The following BFAR variants were observed in gnomAD, a reference collection of about 807,000 sequenced individuals.
The protein encoded by BFAR is RING finger protein 47.
A neutral mutation model predicts 54.4 loss-of-function variants in BFAR; 52 were observed. The observed-to-expected ratio is 0.96, with a 90% CI of 0.77 to 1.21. BFAR has a LOEUF of 1.21. Among genes scored for constraint, BFAR ranks in the 50% most tolerant of loss-of-function variants. BFAR has a pLI of 0.00. For missense variants in BFAR, 571 were observed against 534.0 expected (o/e 1.07, Z -0.68); for synonymous variants, 215 against 204.3 (o/e 1.05, Z -0.45).
chr16:14,659,898 T>C (rs1960242947), intron 5 of BFAR, among the ~76,000 whole-genome samples: 1 of 152,230 alleles, frequency 6.6e-6, no homozygotes, highest in African/African-American at 2.4e-5. Context: ...AAAAATGCAA[T>C]CATCATCACA....
chr16:14,653,389 G>A (rs536298881), intron 4 of BFAR, among the ~76,000 whole-genome samples: 3 of 151,864 alleles, frequency 2.0e-5, no homozygotes, highest in Non-Finnish European at 2.9e-5. Context: ...GTGCAGTGGC[G>A]TGATCTTGGC....
At position 14,661,955 on chromosome 16, in the gene BFAR, C is replaced by T. The variant is rs1960301650; in HGVS notation, c.847C>T (p.Leu283=). The T allele has an allele frequency of 6.2e-7, 1 of 1,614,050 alleles. No individual in the cohort carries two copies. The highest frequency in any genetic ancestry group is 1.1e-5 in the South Asian group (1 of 91,072). Residue 283 remains leucine, a synonymous_variant, in exon 6 of 8, where the codon CTG becomes TTG. Transcript: ENST00000261658. ...YALKSSPRLS[L]LYLYLFDYTD... Reference sequence around the variant, plus strand: ...CCTCAAGAGCTCCCCCAGGCTGAGTCTGCTCTACCTGTACCTGTTTGACTA... The same window carrying T: ...CCTCAAGAGCTCCCCCAGGCTGAGTTTGCTCTACCTGTACCTGTTTGACTA...
chr16:14,649,647 G>A (rs368538874), intron 3 of BFAR, among the ~76,000 whole-genome samples, 157 bp from the exon 4 acceptor site: 4 of 152,238 alleles, frequency 2.6e-5, no homozygotes, highest in South Asian at 2.1e-4. Flanking sequence ...CTCTGTGGCC[G>A]TGGCGTTGCC....
chr16:14,649,759 ATC>A (rs1959912019), intron 3 of BFAR, 43 bp from the exon 4 acceptor site: 3 of 1,510,208 alleles, frequency 2.0e-6, no homozygotes, highest in Middle Eastern at 1.8e-4. Context: ...AGAAACTGGC[ATC>A]TCTGCCTCTC....
At chr16:14,662,136 T>C (rs767113411) in intron 6 of BFAR, 71 bp downstream of exon 6, 11 of 1,545,482 alleles carry the variant, frequency 7.1e-6, no homozygotes, top group African/African-American at 1.4e-5. Context: ...CTACCCACCA[T>C]GGGTGCCATG....
intron 2 of BFAR, among the ~76,000 whole-genome samples, chr16:14,646,323 G>C (rs1392763534): frequency 6.6e-6 from 1 of 152,166 alleles, no homozygotes; most frequent in Non-Finnish European, 1.5e-5. Flanking sequence ...AAAGTGCTGG[G>C]ATTATAGGCG....
rs750340830 is a variant in BFAR, at chr16:14,668,295, C to G, written c.*468C>G. 9 of 162,498 alleles carry G rather than the reference C, an allele frequency of 5.5e-5. No individual in the cohort carries two copies. Among genetic ancestry groups the G allele is most frequent in the Non-Finnish European group, 1.2e-4 (9 of 74,584 alleles). The allele number at this position is 162,498 out of a possible 1,614,324, so 10.1% of individuals were successfully genotyped here. A position where few individuals can be genotyped will look rare whatever the true frequency, so the allele number is the denominator to read the frequency against. On this transcript the variant is annotated 3_prime_UTR_variant, in exon 8 of 8. Coordinates refer to ENST00000261658, the MANE Select transcript of BFAR (RefSeq NM_016561.3). The stretch of plus-strand genomic sequence containing the variant: ...TAGGAAAACAAGGATAAGATTCTGT[C>G]ATAGGCATAGAGAGTTGCACATAAA...
Position 14,656,843 on chromosome 16 carries a change from C to T in BFAR, c.783+1633C>T, listed in dbSNP as rs114569416. Among the ~76,000 whole-genome samples, 271 of 152,224 alleles carry T rather than the reference C, an allele frequency of 1.8e-3. 1 individual carries two copies. Among genetic ancestry groups the T allele is most frequent in the African/African-American group, 6.4e-3 (265 of 41,554 alleles). ...CCTGTAATCCATAAGGAACAAAGTC[C>T]TGTAATCCCAGCACTTTGGGAGGCC... On this transcript the variant is annotated intron_variant, in intron 5 of 7. Coordinates refer to ENST00000261658, the MANE Select transcript of BFAR (RefSeq NM_016561.3).
chr16:14,646,539 C>T (rs1303599204), intron 2 of BFAR, among the ~76,000 whole-genome samples: 2 of 151,358 alleles, frequency 1.3e-5, no homozygotes, highest in East Asian at 1.9e-4. Context: ...ACCCTTGTTG[C>T]CCGGGCTGGA....
At chr16:14,656,462 C>T (rs1280524743) in intron 5 of BFAR, among the ~76,000 whole-genome samples, 2 of 151,770 alleles carry the variant, frequency 1.3e-5, no homozygotes, top group African/African-American at 4.8e-5. Context: ...TGCACTCCAG[C>T]CTGGGCAAGA....
At chr16:14,640,650 C>A (rs1043611388) in intron 1 of BFAR, among the ~76,000 whole-genome samples, 1 of 152,110 alleles carries the variant, frequency 6.6e-6, no homozygotes, top group South Asian at 2.1e-4. Context: ...TTCCAGGACA[C>A]GGAAGATGGA....
chr16:14,648,177 C>T (rs1959857140), intron 2 of BFAR, among the ~76,000 whole-genome samples: 1 of 152,080 alleles, frequency 6.6e-6, no homozygotes, highest in Non-Finnish European at 1.5e-5. Context: ...AAGACTCCGT[C>T]TCAAAAAAAC....
At chr16:14,650,348 A>G (rs183335191) in intron 4 of BFAR, 2 of 165,964 alleles carry the variant, frequency 1.2e-5, no homozygotes, top group African/African-American at 4.7e-5. Context: ...AGAGAGAGAG[A>G]TGTAATCTAC....
Position 14,667,852 on chromosome 16 carries a change from T to C in BFAR, c.*25T>C. The C allele has an allele frequency of 6.2e-7, 1 of 1,604,520 alleles. No individual in the cohort carries two copies. Among genetic ancestry groups the C allele is most frequent in the South Asian group, 1.1e-5 (1 of 90,748 alleles). On this transcript the variant is annotated 3_prime_UTR_variant, in exon 8 of 8. Coordinates refer to ENST00000261658, the MANE Select transcript of BFAR (RefSeq NM_016561.3). ...ACTGGCACTGCCCAGGCTGAGACTC[T>C]TCAAGTCCCGCTGACGTCTGAGCTT...
chr16:14,643,459 C>T (rs2151836715), intron 1 of BFAR, among the ~76,000 whole-genome samples: 1 of 152,306 alleles, frequency 6.6e-6, no homozygotes, highest in African/African-American at 2.4e-5. Flanking sequence ...TTTTGCTTTA[C>T]TACATTTGAA....
intron 3 of BFAR, 141 bp downstream of exon 3, chr16:14,648,733 GCT>G: frequency 4.5e-6 from 3 of 660,464 alleles, no homozygotes; most frequent in Non-Finnish European, 7.8e-6. Context: ...ATTGAAATCT[GCT>G]GGGTTCTATG....
intron 1 of BFAR, chr16:14,633,293 G>GACCCT (rs1959318885): frequency 6.6e-6 from 1 of 152,396 alleles, no homozygotes; most frequent in African/African-American, 2.4e-5. Flanking sequence ...CCTTTCGGGG[G>GACCCT]TCAGGGTCAG....
chr16:14,646,773 C>T (rs1310433647), intron 2 of BFAR, among the ~76,000 whole-genome samples: 1 of 152,142 alleles, frequency 6.6e-6, no homozygotes, highest in Non-Finnish European at 1.5e-5. Flanking sequence ...GCTGGGATTA[C>T]AGGCATGAGC....
rs1249016097 is a variant in BFAR, at chr16:14,649,939, A to G, written c.604A>G (p.Arg202Gly). 1.2e-6 allele frequency: 2 copies of G among 1,612,756 alleles called. No individual in the cohort carries two copies. The highest frequency in any genetic ancestry group is 1.1e-5 in the South Asian group (1 of 90,766). Residue 202 changes from arginine to glycine, a missense_variant, in exon 4 of 8, where the codon AGG (arginine) becomes GGG (glycine). By Grantham distance (125) the Arg-to-Gly change is moderately radical. Transcript: ENST00000261658. ...GCTGGGCCCTTGGGCATCTCTTTAC[A>G]GGGAAAGGTTTTTATCTGAACGAGT... ...EQLGPWASLY[R>G]ERFLSERVNG...
Sources: allele counts gnomAD v4.1 joint callset (sites outside exome capture counted in the v4.1 genomes callset), GRCh38; gene constraint gnomAD v4.1.1; transcripts MANE v1.5; gene names NCBI Gene and HGNC (gene_info 2026-07-23, HGNC 2026-07-21).